The following CPVL variants were observed in gnomAD, a reference collection of about 807,000 sequenced individuals.
The protein encoded by CPVL is probable serine carboxypeptidase CPVL.
A neutral mutation model predicts 63.7 loss-of-function variants in CPVL; 51 were observed. The ratio of observed to expected loss-of-function variants is 0.80; its 90% CI spans 0.64 to 1.01. The LOEUF (loss-of-function observed/expected upper bound fraction) is 1.01, where lower values mean the gene tolerates loss of function less well. CPVL is among the 50% of genes least tolerant of loss of function. The probability of loss-of-function intolerance (pLI) is 0.00; values close to 1 mark genes in which losing one functional copy is unlikely to be tolerated. For missense variants in CPVL, 530 were observed against 573.1 expected (o/e 0.92, Z 0.77); for synonymous variants, 195 against 206.0 (o/e 0.95, Z 0.46).
At chr7:29,129,355 CTGAGCTGAAGATATTT>C (rs1790431262) in intron 1 of CPVL, among the ~76,000 whole-genome samples, 1 of 152,140 alleles carries the variant, frequency 6.6e-6, no homozygotes, top group African/African-American at 2.4e-5. Context: ...TTGTTATGTG[CTGAGCTGAAGATATTT>C]TGAAGTTCTA....
chr7:29,170,812 G>A (rs985585823), intron 5 of CPVL, among the ~76,000 whole-genome samples: 5 of 152,222 alleles, frequency 3.3e-5, no homozygotes, highest in African/African-American at 4.8e-5. Context: ...GGCGGAAGGC[G>A]AGGAGGAGCA....
chr7:29,111,569 G>A (rs568786414), intron 3 of CPVL, among the ~76,000 whole-genome samples: 17 of 152,328 alleles, frequency 1.1e-4, no homozygotes, highest in Middle Eastern at 6.8e-3. Flanking sequence ...CAGAAAAGAC[G>A]ACAGGCTGAC....
In CPVL at chr7:29,086,553, G is replaced by T. The variant is rs199837296; in HGVS notation, c.543-3C>A. The T allele has an allele frequency of 4.6e-4, 723 of 1,588,608 alleles. 2 individuals carry two copies. The highest frequency in any genetic ancestry group is 6.7e-5 in the Non-Finnish European group (77 of 1,157,164). On this transcript the variant is annotated splice_polypyrimidine_tract_variant and splice_region_variant and intron_variant, in intron 6 of 12. Transcript: ENST00000265394. ...TCTGGAAAAACTGAATTAGTGCACT[G>T]CAAAAAGAAGAACAAGAACAACACA...
intron 7 of CPVL, among the ~76,000 whole-genome samples, chr7:29,073,963 C>A (rs1783992960): frequency 6.6e-6 from 1 of 152,188 alleles, no homozygotes; most frequent in African/African-American, 2.4e-5. Flanking sequence ...AGTTCACAGA[C>A]CCTTCACAGC....
At chr7:29,149,189 CTT>C (rs60520174), upstream of CPVL, among the ~76,000 whole-genome samples, 36 of 100,340 alleles carry the variant, frequency 3.6e-4, no homozygotes, top group African/African-American at 9.4e-4. Context: ...GTCTGTTTCC[CTT>C]TTTTTTTTTT....
intron 1 of CPVL, chr7:29,194,757 G>T: frequency 2.2e-6 from 1 of 457,452 alleles, no homozygotes; most frequent in South Asian, 6.0e-5. Flanking sequence ...AAATAGCGGC[G>T]GCGGCAGCGC....
intron 1 of CPVL, among the ~76,000 whole-genome samples, chr7:29,141,002 TGA>T (rs769418127): frequency 2.6e-5 from 4 of 152,288 alleles, no homozygotes; most frequent in East Asian, 3.9e-4. Flanking sequence ...CTGGCATTTC[TGA>T]GAGAGGCTGG....
chr7:29,082,166 T>A (rs1784786854), intron 7 of CPVL, among the ~76,000 whole-genome samples: 1 of 151,436 alleles, frequency 6.6e-6, no homozygotes, highest in Non-Finnish European at 1.5e-5. Flanking sequence ...TTTTGTGTGG[T>A]GGCAGCAGCG....
At chr7:29,139,204 A>G (rs1791581806) in intron 1 of CPVL, among the ~76,000 whole-genome samples, 1 of 152,238 alleles carries the variant, frequency 6.6e-6, no homozygotes, top group Non-Finnish European at 1.5e-5. Flanking sequence ...TACAAGGTCA[A>G]AAGTTCCAGC....
chr7:29,125,734 C>T (rs760244607), intron 1 of CPVL, among the ~76,000 whole-genome samples: 12 of 152,306 alleles, frequency 7.9e-5, no homozygotes, highest in Non-Finnish European at 1.8e-4. Context: ...AATATTCTGA[C>T]TCTTACTGTC....
chr7:29,056,334 G>A (rs1790728368), intron 11 of CPVL, among the ~76,000 whole-genome samples: 1 of 152,094 alleles, frequency 6.6e-6, no homozygotes, highest in Non-Finnish European at 1.5e-5. Context: ...AATCCTCTGT[G>A]CTCTGCCTAT....
chr7:29,040,126 T>C (rs1450060411), intron 11 of CPVL, among the ~76,000 whole-genome samples: 4 of 152,182 alleles, frequency 2.6e-5, no homozygotes, highest in Admixed American at 2.6e-4. Flanking sequence ...GCTAAATCAA[T>C]GAAACTCCTG....
intron 5 of CPVL, among the ~76,000 whole-genome samples, chr7:29,094,026 T>C (rs1442315017): frequency 6.6e-6 from 1 of 152,200 alleles, no homozygotes; most frequent in Non-Finnish European, 1.5e-5. Flanking sequence ...TGTCCAGAGA[T>C]GAAGCATGTT....
chr7:29,083,820 TTTAA>T (rs1205268012), intron 7 of CPVL, among the ~76,000 whole-genome samples: 1 of 152,088 alleles, frequency 6.6e-6, no homozygotes, highest in East Asian at 1.9e-4. Flanking sequence ...CAAAACCCGG[TTTAA>T]TTGTCACCTC....
intron 1 of CPVL, among the ~76,000 whole-genome samples, chr7:29,138,450 T>G (rs923307950): frequency 5.3e-5 from 8 of 151,782 alleles, no homozygotes; most frequent in African/African-American, 1.9e-4. Context: ...CAAATAATAA[T>G]AATAAGAAGA....
intron 1 of CPVL, among the ~76,000 whole-genome samples, chr7:29,124,702 T>C (rs989629990): frequency 1.3e-5 from 2 of 152,104 alleles, no homozygotes; most frequent in Non-Finnish European, 2.9e-5. Flanking sequence ...ACTAAGAATG[T>C]TTTGAAAAAT....
At chr7:29,187,992 A>T (rs1798921698) in intron 1 of CPVL, among the ~76,000 whole-genome samples, 1 of 152,240 alleles carries the variant, frequency 6.6e-6, no homozygotes, top group African/African-American at 2.4e-5. Context: ...ATTTGAACTC[A>T]GATTTATCTT....
chr7:29,121,721 A>G lies in CPVL; in HGVS notation c.-10-650T>C, dbSNP rs1194488757. The stretch of plus-strand genomic sequence containing the variant: ...TGGGTGGGTGGAAACAGCTTAAGCA[A>G]AGGTGAGACCTCAGGCATCCATGCA... On this transcript the variant is annotated intron_variant, in intron 1 of 12. Coordinates refer to ENST00000265394, the MANE Select transcript of CPVL (RefSeq NM_031311.5). Among the ~76,000 whole-genome samples, 4 of 152,348 alleles carry G rather than the reference A, an allele frequency of 2.6e-5. No individual in the cohort carries two copies. In the East Asian group the frequency reaches 7.7e-4, roughly 29 times the overall value.
chr7:29,087,633 C>T (rs998267603), intron 6 of CPVL, among the ~76,000 whole-genome samples: 3 of 152,100 alleles, frequency 2.0e-5, no homozygotes, highest in African/African-American at 7.2e-5. Flanking sequence ...GCAGTGCCTG[C>T]GAAGCTAGGG....
Sources: gnomAD v4.1 joint callset for allele counts (sites outside exome capture counted in the v4.1 genomes callset) on GRCh38, gnomAD v4.1.1 for gene constraint, MANE v1.5 for transcripts, NCBI Gene and HGNC (gene_info 2026-07-23, HGNC 2026-07-21) for gene names.